The following PDE1C variants were observed in gnomAD, a reference collection of about 807,000 sequenced individuals.
The protein encoded by PDE1C is phosphodiesterase 1C.
A neutral mutation model predicts 93.1 loss-of-function variants in PDE1C; 62 were observed. That is an observed-to-expected ratio of 0.67 (90% CI 0.54 to 0.82). The LOEUF (loss-of-function observed/expected upper bound fraction) is 0.82, where lower values mean the gene tolerates loss of function less well. PDE1C is among the 40% of genes least tolerant of loss of function. PDE1C has a pLI of 0.00. For synonymous variants in PDE1C, 325 were observed against 310.1 expected, an observed-to-expected ratio of 1.05 and a Z score of -0.50; for missense variants, 742 against 884.6, an observed-to-expected ratio of 0.84 and a Z score of 2.04.
chr7:32,247,535 C>CTTATAATGTAAGTG (rs1809054734), intron 1 of PDE1C, among the ~76,000 whole-genome samples: 1 of 152,238 alleles, frequency 6.6e-6, no homozygotes, highest in South Asian at 2.1e-4. Context: ...TGAGTAGAGA[C>CTTATAATGTAAGTG]AGTCCCCAAC....
At position 31,751,237 on chromosome 7, in the gene PDE1C, C is replaced by A. The variant is rs961271942; in HGVS notation, c.*2147G>T. 2.0e-5 allele frequency: 3 copies of A among 152,100 alleles called. No homozygotes were observed. Among genetic ancestry groups the A allele is most frequent in the Non-Finnish European group, 2.9e-5 (2 of 68,014 alleles). 9.4% of individuals were successfully genotyped at this position (152,100 alleles called of 1,614,324 possible). On this transcript the variant is annotated 3_prime_UTR_variant, in exon 18 of 18. Coordinates refer to ENST00000396191, the MANE Select transcript of PDE1C (RefSeq NM_001191057.4). ...ATATAATCTGCATTTCTATACAATC[C>A]ATTATGCAAAAAACATGGTAGGCAT... is the stretch of plus-strand genomic sequence containing the variant.
At chr7:32,229,070 G>C (rs1312132823) in intron 1 of PDE1C, among the ~76,000 whole-genome samples, 1 of 152,200 alleles carries the variant, frequency 6.6e-6, no homozygotes, top group Non-Finnish European at 1.5e-5. Flanking sequence ...ACTACCACCT[G>C]CTGCTGTTTT....
intron 1 of PDE1C, among the ~76,000 whole-genome samples, chr7:32,359,002 G>T (rs1369199495): frequency 3.3e-5 from 5 of 151,952 alleles, no homozygotes; most frequent in Non-Finnish European, 7.4e-5. Flanking sequence ...TGTCCTTGCT[G>T]GGCCTGCATC....
chr7:31,942,555 A>C (rs180858201), intron 2 of PDE1C, among the ~76,000 whole-genome samples: 1 of 152,164 alleles, frequency 6.6e-6, no homozygotes, highest in African/African-American at 2.4e-5. Flanking sequence ...CCTTTGTCTC[A>C]CAGGTTATAA....
rs75246048 is a variant in PDE1C, at chr7:32,316,706, G to C, written c.311-107167C>G. Among the ~76,000 whole-genome samples the C allele has an allele frequency of 4.2e-3, 635 of 152,270 alleles. 6 individuals are homozygous for C. The highest frequency in any genetic ancestry group is 0.014 in the African/African-American group (583 of 41,554). ...ACACTGTTGCCCAAAAACTCTACCA[G>C]AGAATCAGACAGTCTGTATTATCAT... On this transcript the variant is annotated intron_variant, in intron 1 of 1. Transcript: ENST00000672256.
At chr7:32,277,594 C>T (rs1473668431) in intron 1 of PDE1C, among the ~76,000 whole-genome samples, 2 of 152,136 alleles carry the variant, frequency 1.3e-5, no homozygotes, top group African/African-American at 2.4e-5. Flanking sequence ...AATTAAAACA[C>T]CAGCAGCTGA....
intron 1 of PDE1C, among the ~76,000 whole-genome samples, chr7:32,066,441 AC>A (rs1365156408): frequency 1.3e-5 from 2 of 152,182 alleles, no homozygotes; most frequent in African/African-American, 4.8e-5. Context: ...TATACCAACT[AC>A]CTCATAGTTG....
chr7:31,618,283 C>G, the PDE1C span, among the ~76,000 whole-genome samples: 1 of 152,112 alleles, frequency 6.6e-6, no homozygotes, highest in Non-Finnish European at 1.5e-5. Flanking sequence ...CAACCAATAC[C>G]CCATAAAAAG....
chr7:31,765,650 A>G (rs17484069), intron 17 of PDE1C, among the ~76,000 whole-genome samples: 70,947 of 151,972 alleles, frequency 0.47, 16,953 homozygotes, highest in African/African-American at 0.5. Context: ...GATAGGCTTC[A>G]ATCCAGTCCA....
chr7:32,247,415 G>T (rs1809047147), intron 1 of PDE1C, among the ~76,000 whole-genome samples: 1 of 126,874 alleles, frequency 7.9e-6, no homozygotes, highest in African/African-American at 3.0e-5. Flanking sequence ...AGAATCATTT[G>T]TTAAGGCAAT....
chr7:32,362,694 T>G (rs1272271523), intron 1 of PDE1C, among the ~76,000 whole-genome samples: 2 of 152,164 alleles, frequency 1.3e-5, no homozygotes, highest in Non-Finnish European at 2.9e-5. Flanking sequence ...CCTCCTCTCC[T>G]GCCTTTTCTC....
At chr7:32,065,927 G>A (rs905133342) in intron 1 of PDE1C, among the ~76,000 whole-genome samples, 1 of 152,212 alleles carries the variant, frequency 6.6e-6, no homozygotes, top group African/African-American at 2.4e-5. Context: ...ACAGCTGACA[G>A]AACTGGAGAC....
At chr7:31,797,554 G>A (rs186001606) in intron 16 of PDE1C, among the ~76,000 whole-genome samples, 1 of 151,762 alleles carries the variant, frequency 6.6e-6, no homozygotes, top group Non-Finnish European at 1.5e-5. Context: ...TTTAAGGTAA[G>A]TAGAAGAGAT....
At chr7:32,168,520 C>T (rs1456529729) in intron 3 of PDE1C, among the ~76,000 whole-genome samples, 3 of 152,312 alleles carry the variant, frequency 2.0e-5, no homozygotes, top group Non-Finnish European at 2.9e-5. Flanking sequence ...ATAAGAAATG[C>T]TCCAAGGTGA....
chr7:31,653,958 CCTA>C, the PDE1C span, among the ~76,000 whole-genome samples: 1 of 151,402 alleles, frequency 6.6e-6, no homozygotes, highest in Admixed American at 6.6e-5. Flanking sequence ...TGATGAAACA[CCTA>C]CTGTGTGCAG....
chr7:31,965,466 C>T (rs1015934486), intron 2 of PDE1C, among the ~76,000 whole-genome samples: 13 of 152,050 alleles, frequency 8.5e-5, no homozygotes, highest in African/African-American at 2.4e-4. Flanking sequence ...TGTGAAAAGA[C>T]CAAATCTACA....
At chr7:31,876,777 A>G (rs1469444911) in intron 5 of PDE1C, among the ~76,000 whole-genome samples, 1 of 152,214 alleles carries the variant, frequency 6.6e-6, no homozygotes. Flanking sequence ...GAAAAGATAC[A>G]TCTTCTTGCT....
upstream of PDE1C, chr7:32,070,594 T>C (rs2128726897): frequency 7.0e-7 from 1 of 1,424,704 alleles, no homozygotes; most frequent in Non-Finnish European, 9.1e-7. Flanking sequence ...CCAGGTGCGC[T>C]CCGGAGGCAG....
intron 1 of PDE1C, among the ~76,000 whole-genome samples, chr7:32,320,523 GA>G (rs34903009): frequency 0.065 from 9,839 of 152,084 alleles, 431 homozygotes; most frequent in Non-Finnish European, 0.092. Flanking sequence ...AAAGTGGGGG[GA>G]AAAAGGTAGA....
Sources: allele counts gnomAD v4.1 joint callset (sites outside exome capture counted in the v4.1 genomes callset), GRCh38; gene constraint gnomAD v4.1.1; transcripts MANE v1.5; gene names NCBI Gene and HGNC (gene_info 2026-07-23, HGNC 2026-07-21).